Variants in PSMD13 observed in about 807,000 individuals in gnomAD.
PSMD13 encodes 26S proteasome non-ATPase regulatory subunit 13.
Under a neutral mutation model 57.4 loss-of-function variants are expected in PSMD13, and 8 were observed. That is an observed-to-expected ratio of 0.14 (90% CI 0.08 to 0.25). The LOEUF (loss-of-function observed/expected upper bound fraction) is 0.25. Ranked by LOEUF, PSMD13 falls within the 10% of genes least tolerant of loss-of-function variation. The pLI is 1.00. For synonymous variants in PSMD13, 193 were observed against 168.2 expected (o/e 1.15, Z -1.14); for missense variants, 400 against 461.5 (o/e 0.87, Z 1.22).
At chr11:247,476 C>T (rs1859675563) in intron 7 of PSMD13, 28 bp downstream of exon 7, 2 of 1,602,388 alleles carry the variant, frequency 1.2e-6, no homozygotes, top group Non-Finnish European at 8.5e-7. Context: ...ATCCATGTCA[C>T]ACAGGAGCAT....
At chr11:240,059 T>C (rs1189267797) in intron 2 of PSMD13, among the ~76,000 whole-genome samples, 1 of 150,852 alleles carries the variant, frequency 6.6e-6, no homozygotes, top group Non-Finnish European at 1.5e-5. Flanking sequence ...TGCTGAACAT[T>C]CAGTCTTCTG....
chr11:244,100 A>T (rs1181626683), intron 3 of PSMD13, 25 bp downstream of exon 3: 1 of 1,607,724 alleles, frequency 6.2e-7, no homozygotes, highest in East Asian at 2.2e-5. Flanking sequence ...TCCGTTTTTC[A>T]CTTTGAAAAT....
intron 2 of PSMD13, 65 bp downstream of exon 2, chr11:239,141 A>G (rs1219704637): frequency 1.5e-6 from 2 of 1,351,394 alleles, no homozygotes; most frequent in Non-Finnish European, 2.1e-6. Flanking sequence ...AAAATAAGAT[A>G]GGCTTTATGC....
chr11:250,196 G>T (rs1337389625), intron 9 of PSMD13, among the ~76,000 whole-genome samples: 2 of 152,172 alleles, frequency 1.3e-5, no homozygotes, highest in Non-Finnish European at 2.9e-5. Context: ...GTTGCTATTT[G>T]AATTAAAACA....
At chr11:239,860 C>T (rs564613703) in intron 2 of PSMD13, among the ~76,000 whole-genome samples, 10 of 152,180 alleles carry the variant, frequency 6.6e-5, no homozygotes, top group African/African-American at 2.4e-4. Context: ...ACCAGCATTG[C>T]AACTGATAGC....
rs763632765 is a variant in PSMD13 at position 252,489 on chromosome 11, C to T, written c.1036-16C>T. The T allele has an allele frequency of 3.1e-5, 50 of 1,613,126 alleles. No individual in the cohort carries two copies. Among genetic ancestry groups the T allele is most frequent in the Middle Eastern group, 1.6e-4 (1 of 6,082 alleles). ...TGCGTGTCTTAACGTCCCTTGTGTC[C>T]GGATTTCCATTTCAGATCAAGGGAA... is the stretch of plus-strand genomic sequence containing the variant. On this transcript the variant is annotated splice_polypyrimidine_tract_variant and intron_variant, in intron 12 of 12. Transcript: ENST00000532097. This position sits in a 1 kb window ranked among gnomAD's most constrained non-coding sequence, Gnocchi z 4.1.
intron 2 of PSMD13, among the ~76,000 whole-genome samples, chr11:240,818 C>T (rs1859497350): frequency 6.6e-6 from 1 of 152,058 alleles, no homozygotes; most frequent in Non-Finnish European, 1.5e-5. Context: ...AATAAAAATG[C>T]CATTTTATTT....
intron 9 of PSMD13, among the ~76,000 whole-genome samples, chr11:250,419 C>T (rs1859746091): frequency 6.6e-6 from 1 of 152,220 alleles, no homozygotes; most frequent in East Asian, 1.9e-4. Flanking sequence ...GCTCACTGAG[C>T]CGGCAGCAGC....
Position 237,002 on chromosome 11 carries a change from G to C in PSMD13, c.-48G>C, listed in dbSNP as rs200286876. ...AGCATTTCCGGCAGCCATCCCCGCG[G>C]TGCTGACATCCCGGTTGTTCTTCTG... On this transcript the variant is annotated 5_prime_UTR_variant, in exon 1 of 13. Transcript: ENST00000532097. The C allele has an allele frequency of 5.3e-6, 8 of 1,499,576 alleles. No homozygotes were observed. Among genetic ancestry groups the C allele is most frequent in the Non-Finnish European group, 6.5e-6 (7 of 1,079,094 alleles). 92.9% of individuals were successfully genotyped at this position (1,499,576 alleles called of 1,614,324 possible).
chr11:247,465 A>C lies in PSMD13; in HGVS notation c.568+17A>C. The C allele has an allele frequency of 6.2e-7, 1 of 1,609,496 alleles. No individual in the cohort carries two copies. The highest frequency in any genetic ancestry group is 1.3e-5 in the African/African-American group (1 of 74,820). ...ATCTACCAGGTAACCTAGGCCATTA[A>C]ATCCATGTCACACAGGAGCATATTC... is the stretch of plus-strand genomic sequence containing the variant. On this transcript the variant is annotated intron_variant, in intron 7 of 12. Transcript: ENST00000532097.
In PSMD13 at chr11:251,872, T is replaced by G; in HGVS notation, c.971T>G (p.Ile324Arg). The G allele has an allele frequency of 6.2e-7, 1 of 1,614,182 alleles. No individual in the cohort carries two copies. The highest frequency in any genetic ancestry group is 8.5e-7 in the Non-Finnish European group (1 of 1,180,028). Residue 324 changes from isoleucine (I) to arginine (R), a missense_variant, in exon 12 of 13, where the codon ATA becomes AGA. Physicochemically the swap from Ile to Arg is moderately conservative, Grantham distance 97 (BLOSUM62 -3). Transcript: ENST00000532097. The surrounding 1 kb of genome is among the most constrained non-coding windows in gnomAD (Gnocchi z 4.6). ...TCGGTGGGGCTGGTGAAAGGCAGTA[T>G]AGACGAGGTGGACAAACGAGTCCAC... ...ALSVGLVKGSIDEVDKRVHMT... is the reference protein window; with the variant it reads ...ALSVGLVKGSRDEVDKRVHMT...
chr11:244,813 C>A lies in PSMD13; in HGVS notation c.396+52C>A. The A allele has an allele frequency of 3.0e-6, 4 of 1,353,664 alleles. No individual in the cohort carries two copies. The South Asian group carries it at 4.0e-5, about 13-fold the overall frequency. The allele number at this position is 1,353,664 out of a possible 1,614,324, so 83.9% of individuals were successfully genotyped here. A position where few individuals can be genotyped will look rare whatever the true frequency, so the allele number is the denominator to read the frequency against. On this transcript the variant is annotated intron_variant, in intron 6 of 12. Transcript: ENST00000532097. ...CTTTGGTTTAAAATTATTTAAAACC[C>A]TAGGAAAAAAAATAACCTATTTTTC...
In PSMD13 at chr11:251,024, A is replaced by G. The variant is rs201396544; in HGVS notation, c.837+159A>G. On this transcript the variant is annotated intron_variant, in intron 10 of 12. Coordinates refer to ENST00000532097, the MANE Select transcript of PSMD13 (RefSeq NM_002817.4). The surrounding 1 kb of genome is among the most constrained non-coding windows in gnomAD (Gnocchi z 4.6). ...ACCACCTTCCTTTTCCTTTGCTACC[A>G]CTTGCTCTTCTAAGTTTATATTTGG... 1.3e-5 allele frequency: 9 copies of G among 671,782 alleles called. No homozygotes were observed. In the East Asian group the frequency reaches 2.5e-4, roughly 18 times the overall value. 41.6% of individuals were successfully genotyped at this position (671,782 alleles called of 1,614,324 possible). A position where few individuals can be genotyped will look rare whatever the true frequency, so the allele number is the denominator to read the frequency against.
chr11:245,199 T>A (rs11602016), intron 6 of PSMD13, among the ~76,000 whole-genome samples: 22,651 of 152,248 alleles, frequency 0.15, 1,809 homozygotes, highest in South Asian at 0.33. Context: ...TGCCTCAGCC[T>A]CCCAAAGTGC....
At chr11:246,897 A>G (rs1359794164) in intron 6 of PSMD13, among the ~76,000 whole-genome samples, 1 of 152,054 alleles carries the variant, frequency 6.6e-6, no homozygotes, top group African/African-American at 2.4e-5. Flanking sequence ...CTCCTGACTC[A>G]TTTGTAAGTG....
At position 247,425 on chromosome 11, in the gene PSMD13, G is replaced by A. The variant is rs778618040; in HGVS notation, c.545G>A (p.Cys182Tyr). 1 of 1,613,756 alleles carries A rather than the reference G, an allele frequency of 6.2e-7. No homozygotes were observed. Among genetic ancestry groups the A allele is most frequent in the Non-Finnish European group, 8.5e-7 (1 of 1,179,906 alleles). ...YYKDALRFLG[C>Y]VDIKDLPVSE... Reference sequence around the variant, plus strand: ...AAAGATGCTCTGCGGTTTTTGGGCTGTGTTGACATCAAGGATCTACCAGGT... The same window carrying A: ...AAAGATGCTCTGCGGTTTTTGGGCTATGTTGACATCAAGGATCTACCAGGT... Residue 182 changes from cysteine to tyrosine, a missense_variant, in exon 7 of 13, where the codon TGT (cysteine) becomes TAT (tyrosine). Cys to Tyr is a radical substitution (Grantham distance 194). Coordinates refer to ENST00000532097, the MANE Select transcript of PSMD13 (RefSeq NM_002817.4).
intron 9 of PSMD13, among the ~76,000 whole-genome samples, chr11:249,571 AGGGGGAGAG>A (rs1859730990): frequency 1.9e-5 from 1 of 53,356 alleles, no homozygotes; most frequent in Non-Finnish European, 3.6e-5. Flanking sequence ...GGGTGCGGGG[AGGGGGAGAG>A]CGGCGGGTGC....
chr11:238,803 C>T (rs960810931), intron 1 of PSMD13, among the ~76,000 whole-genome samples, 195 bp from the exon 2 acceptor site: 1 of 152,156 alleles, frequency 6.6e-6, no homozygotes, highest in Non-Finnish European at 1.5e-5. Flanking sequence ...CTGAGATGCT[C>T]CAGTGGTCAT....
At chr11:245,975 G>A (rs543260664) in intron 6 of PSMD13, among the ~76,000 whole-genome samples, 60 of 152,188 alleles carry the variant, frequency 3.9e-4, no homozygotes, top group African/African-American at 1.4e-3. Context: ...GAAGCCACAC[G>A]GCACAGTCAG....
Sources: gnomAD v4.1 joint callset for allele counts (sites outside exome capture counted in the v4.1 genomes callset) on GRCh38, gnomAD v4.1.1 for gene constraint, Gnocchi (gnomAD v3.1) non-coding constraint, MANE v1.5 for transcripts, NCBI Gene and HGNC (gene_info 2026-07-23, HGNC 2026-07-21) for gene names.